ELMO2: variants seen among roughly 807,000 people sequenced by gnomAD.
The protein encoded by ELMO2 is engulfment and cell motility protein 2.
ELMO2 carries 37 observed loss-of-function variants against 96.2 expected under a neutral mutation model. The observed-to-expected ratio is 0.38, with a 90% confidence interval of 0.30 to 0.51. The LOEUF is 0.51. ELMO2 is among the 20% of genes least tolerant of loss of function. ELMO2 has a pLI of 0.88. For synonymous variants in ELMO2, 315 were observed against 329.4 expected (o/e 0.96, Z 0.47); for missense variants, 561 against 912.6 (o/e 0.61, Z 4.96).
At chr20:46,396,475 A>T (rs2060246499) in intron 2 of ELMO2, among the ~76,000 whole-genome samples, 1 of 152,180 alleles carries the variant, frequency 6.6e-6, no homozygotes, top group Non-Finnish European at 1.5e-5. Context: ...AGCACTCAAA[A>T]CGAGACACTG....
In ELMO2 at chr20:46,394,085, C is replaced by T. The variant is rs370761872; in HGVS notation, c.83G>A (p.Arg28Gln). Residue 28 changes from arginine to glutamine, a missense_variant, in exon 4 of 22, where the codon CGG becomes CAG. Coordinates refer to ENST00000290246, the MANE Select transcript of ELMO2 (RefSeq NM_133171.5). ...TTCCTTGATAATGGATGCCAGGGGC[C>T]GTTTCTGAAAGAGAGAGAGAGAAAG... is the stretch of plus-strand genomic sequence containing the variant. The part of the protein sequence containing the change: ...NAQLLEIDQK[R>Q]PLASIIKEVC... The T allele has an allele frequency of 5.5e-5, 88 of 1,613,554 alleles. No homozygotes were observed. The highest frequency in any genetic ancestry group is 1.6e-4 in the Middle Eastern group (1 of 6,084).
At chr20:46,397,623 A>G (rs1403984497) in intron 2 of ELMO2, among the ~76,000 whole-genome samples, 4 of 152,204 alleles carry the variant, frequency 2.6e-5, no homozygotes. Context: ...GTGAGCACAG[A>G]TTGCACCATT....
At chr20:46,397,884 T>G (rs758267884) in intron 2 of ELMO2, among the ~76,000 whole-genome samples, 1 of 152,144 alleles carries the variant, frequency 6.6e-6, no homozygotes. Context: ...AATATCTAAA[T>G]GAACTGAGGC....
Position 46,375,913 on chromosome 20 carries a change from G to C in ELMO2, c.808-123C>G. On this transcript the variant is annotated intron_variant, in intron 11 of 21. Coordinates refer to ENST00000290246, the MANE Select transcript of ELMO2 (RefSeq NM_133171.5). This position sits in a 1 kb window ranked among gnomAD's most constrained non-coding sequence, Gnocchi z 4.6. ...AACAGAGCTTTCCTCCCACACACGAGGACTTCATATTCTAGAAGGCGATGG... is the reference window on the plus strand; with the variant it reads ...AACAGAGCTTTCCTCCCACACACGACGACTTCATATTCTAGAAGGCGATGG... 1 of 1,319,660 alleles carries C rather than the reference G, an allele frequency of 7.6e-7. No homozygotes were observed. Among genetic ancestry groups the C allele is most frequent in the South Asian group, 1.4e-5 (1 of 70,394 alleles). The allele number at this position is 1,319,660 out of a possible 1,614,324, so 81.7% of individuals were successfully genotyped here. A position where few individuals can be genotyped will look rare whatever the true frequency, so the allele number is the denominator to read the frequency against.
intron 3 of ELMO2, 71 bp downstream of exon 3, chr20:46,394,334 C>G: frequency 3.3e-6 from 5 of 1,535,274 alleles, no homozygotes; most frequent in Non-Finnish European, 3.6e-6. Flanking sequence ...CCCCATCCCT[C>G]AAGATGTCCT....
At chr20:46,389,408 A>G (rs1568775920) in intron 6 of ELMO2, among the ~76,000 whole-genome samples, 188 bp from the exon 7 acceptor site, 1 of 152,142 alleles carries the variant, frequency 6.6e-6, no homozygotes, top group South Asian at 2.1e-4. Flanking sequence ...GCCAAAACCA[A>G]TCTGTAGTTA....
intron 10 of ELMO2, 89 bp downstream of exon 10, chr20:46,383,327 A>G: frequency 3.7e-6 from 5 of 1,346,026 alleles, no homozygotes; most frequent in Non-Finnish European, 4.3e-6. Flanking sequence ...AAATTGCTGG[A>G]TTTGTGCTCT....
chr20:46,385,181 A>C (rs1031047083), intron 9 of ELMO2, among the ~76,000 whole-genome samples: 8 of 152,208 alleles, frequency 5.3e-5, no homozygotes, highest in Non-Finnish European at 8.8e-5. Flanking sequence ...ACAATGTCTA[A>C]AAAACAGAAG....
intron 5 of ELMO2, 136 bp from the exon 6 acceptor site, chr20:46,393,279 C>CT: frequency 1.0e-6 from 1 of 959,464 alleles, no homozygotes; most frequent in Non-Finnish European, 1.6e-6. Context: ...CCCTCTTCTC[C>CT]TGCTTATTCC....
chr20:46,383,532 A>G, intron 9 of ELMO2, 38 bp from the exon 10 acceptor site: 1 of 1,537,128 alleles, frequency 6.5e-7, no homozygotes. Flanking sequence ...GGAGATTAGA[A>G]GACTGAACAG....
At chr20:46,397,119 T>A (rs2060256426) in intron 2 of ELMO2, among the ~76,000 whole-genome samples, 2 of 152,224 alleles carry the variant, frequency 1.3e-5, no homozygotes, top group Admixed American at 6.5e-5. Context: ...ATTGACTCTC[T>A]CTTTATTAAA....
chr20:46,387,277 C>T, intron 8 of ELMO2, 61 bp downstream of exon 8: 1 of 1,471,034 alleles, frequency 6.8e-7, no homozygotes, highest in Non-Finnish European at 9.5e-7. Context: ...TGTATCTCCC[C>T]TTAAGCCTTG....
intron 3 of ELMO2, 87 bp downstream of exon 3, chr20:46,394,318 G>A (rs1053822070): frequency 1.5e-5 from 22 of 1,427,544 alleles, no homozygotes; most frequent in South Asian, 1.1e-4. Context: ...TCTTGATGCC[G>A]GTGGTCCCCA....
At position 46,375,909 on chromosome 20, in the gene ELMO2, A is replaced by G; in HGVS notation, c.808-119T>C. 1 of 1,344,074 alleles carries G rather than the reference A, an allele frequency of 7.4e-7. No homozygotes were observed. The highest frequency in any genetic ancestry group is 2.4e-5 in the East Asian group (1 of 41,020). 83.3% of individuals were successfully genotyped at this position (1,344,074 alleles called of 1,614,324 possible). A position where few individuals can be genotyped will look rare whatever the true frequency, so the allele number is the denominator to read the frequency against. ...AGGGAACAGAGCTTTCCTCCCACAC[A>G]CGAGGACTTCATATTCTAGAAGGCG... On this transcript the variant is annotated intron_variant, in intron 11 of 21. Coordinates refer to ENST00000290246, the MANE Select transcript of ELMO2 (RefSeq NM_133171.5). The surrounding 1 kb of genome is among the most constrained non-coding windows in gnomAD (Gnocchi z 4.6).
chr20:46,401,555 T>C (rs1257377468), intron 1 of ELMO2, among the ~76,000 whole-genome samples: 1 of 152,160 alleles, frequency 6.6e-6, no homozygotes. Context: ...ACACCTTCTG[T>C]AGTGTTCCTA....
At chr20:46,368,542 T>C (rs1227532741) in intron 21 of ELMO2, among the ~76,000 whole-genome samples, 1 of 152,142 alleles carries the variant, frequency 6.6e-6, no homozygotes, top group Non-Finnish European at 1.5e-5. Flanking sequence ...ATCTTTGTAA[T>C]GACAACCTAT....
intron 1 of ELMO2, among the ~76,000 whole-genome samples, chr20:46,400,535 T>C (rs1025927095): frequency 2.0e-5 from 3 of 152,264 alleles, no homozygotes; most frequent in African/African-American, 7.2e-5. Flanking sequence ...AAGGGAGCTG[T>C]AGTTCCATAT....
At chr20:46,397,871 A>C (rs750323824) in intron 2 of ELMO2, among the ~76,000 whole-genome samples, 9 of 152,344 alleles carry the variant, frequency 5.9e-5, no homozygotes, top group Admixed American at 2.0e-4. Flanking sequence ...GGAGGAATCC[A>C]TAAATATCTA....
intron 6 of ELMO2, 109 bp downstream of exon 6, chr20:46,392,984 G>T: frequency 1.0e-6 from 1 of 981,968 alleles, no homozygotes; most frequent in South Asian, 1.4e-5. Flanking sequence ...CAAAAAGACT[G>T]ACTTTCTTAT....
Sources: gnomAD v4.1 joint callset for allele counts (sites outside exome capture counted in the v4.1 genomes callset) on GRCh38, gnomAD v4.1.1 for gene constraint, Gnocchi (gnomAD v3.1) non-coding constraint, MANE v1.5 for transcripts, NCBI Gene and HGNC (gene_info 2026-07-23, HGNC 2026-07-21) for gene names.